PRKD3: variants seen among roughly 807,000 people sequenced by gnomAD.
PRKD3 encodes the protein serine/threonine-protein kinase D3.
Under a neutral mutation model 99.2 loss-of-function variants are expected in PRKD3, and 47 were observed. That is an observed-to-expected ratio of 0.47 (90% confidence interval 0.38 to 0.60). PRKD3 has a LOEUF of 0.60. Among genes scored for constraint, PRKD3 ranks in the 20% least tolerant of loss-of-function variants. The pLI, the probability that PRKD3 is intolerant of heterozygous loss-of-function variation, is 0.00. For missense variants in PRKD3, 1,019 were observed against 1,088.4 expected (o/e 0.94, Z 0.90); for synonymous variants, 392 against 355.4 (o/e 1.10, Z -1.16).
intron 9 of PRKD3, 29 bp from the exon 10 acceptor site, chr2:37,275,873 G>C (rs771898877): frequency 1.3e-6 from 2 of 1,588,436 alleles, no homozygotes; most frequent in African/African-American, 2.7e-5. Context: ...AAAACTGTGA[G>C]GTTCAAAAAT....
rs116417264 is a variant in PRKD3 at position 37,263,843 on chromosome 2, T to C, written c.1885-3459A>G. The stretch of plus-strand genomic sequence containing the variant: ...TTATAGTTTTGAATTCTCATCTTTT[T>C]TTTAAAGTATGCTCACTTCTGTTAA... On this transcript the variant is annotated intron_variant, in intron 14 of 18. Coordinates refer to ENST00000234179, the MANE Select transcript of PRKD3 (RefSeq NM_005813.6). Among the ~76,000 whole-genome samples, 682 of 152,334 alleles carry C rather than the reference T, an allele frequency of 4.5e-3. 5 individuals are homozygous for C. The highest frequency in any genetic ancestry group is 0.016 in the African/African-American group (653 of 41,576).
intron 2 of PRKD3, among the ~76,000 whole-genome samples, chr2:37,309,725 A>C (rs776382445): frequency 6.6e-6 from 1 of 151,816 alleles, no homozygotes; most frequent in African/African-American, 2.4e-5. Flanking sequence ...GTGCGTGCCT[A>C]TAATCCCAGC....
chr2:37,292,653 T>C (rs375740643), intron 3 of PRKD3, among the ~76,000 whole-genome samples: 5 of 151,812 alleles, frequency 3.3e-5, no homozygotes, highest in African/African-American at 1.2e-4. Context: ...GCCTTTCTTT[T>C]GCTTTTTTAA....
At chr2:37,316,191 C>T in intron 2 of PRKD3, 46 bp downstream of exon 2, 1 of 1,501,544 alleles carries the variant, frequency 6.7e-7, no homozygotes, top group Non-Finnish European at 9.1e-7. Flanking sequence ...TATAGAAAAA[C>T]ATCAGTAACA....
chr2:37,310,327 T>C (rs927062730), intron 2 of PRKD3, among the ~76,000 whole-genome samples: 2 of 152,224 alleles, frequency 1.3e-5, no homozygotes, highest in Non-Finnish European at 2.9e-5. Flanking sequence ...GTGTGATTAC[T>C]ATTTGCTAAG....
chr2:37,293,048 A>T, intron 3 of PRKD3, 85 bp downstream of exon 3: 4 of 1,310,952 alleles, frequency 3.1e-6, no homozygotes, highest in Non-Finnish European at 4.2e-6. Flanking sequence ...ACAAAGACTA[A>T]ATATAATCGA....
At chr2:37,324,194 T>C (rs980393469) in intron 1 of PRKD3, 10 of 985,420 alleles carry the variant, frequency 1.0e-5, no homozygotes, top group Non-Finnish European at 1.2e-5. Flanking sequence ...CACCATTTAC[T>C]CACCCCTTTG....
intron 6 of PRKD3, among the ~76,000 whole-genome samples, chr2:37,284,210 A>AT (rs1018963671): frequency 6.6e-6 from 1 of 152,168 alleles, no homozygotes; most frequent in Non-Finnish European, 1.5e-5. Flanking sequence ...AAATATTTTT[A>AT]TTTTTTAAGT....
rs151320948 is a variant in PRKD3, at chr2:37,293,909, C to T, written c.289-638G>A. 3.3e-5 allele frequency among the ~76,000 whole-genome samples: 5 copies of T among 152,224 alleles called. No homozygotes were observed. The East Asian group carries it at 9.6e-4, about 29-fold the overall frequency. On this transcript the variant is annotated intron_variant, in intron 2 of 18. Transcript: ENST00000234179. ...TTTTATAACATGAACAATTTGCTCA[C>T]GTAAGTTAACATGTTTTCCTGTTTG...
intron 1 of PRKD3, among the ~76,000 whole-genome samples, chr2:37,321,834 T>A (rs6727087): frequency 0.044 from 6,675 of 152,186 alleles, 160 homozygotes; most frequent in African/African-American, 0.051. Flanking sequence ...GAGTCAACGA[T>A]GCAAAGAGAC....
intron 1 of PRKD3, among the ~76,000 whole-genome samples, chr2:37,320,025 G>A (rs2124909204): frequency 6.6e-6 from 1 of 152,308 alleles, no homozygotes; most frequent in Non-Finnish European, 1.5e-5. Flanking sequence ...GTAAGTTTTA[G>A]CAATTTTCAC....
At position 37,286,341 on chromosome 2, in the gene PRKD3, C is replaced by T; in HGVS notation, c.746G>A (p.Arg249Lys). Residue 249 changes from arginine to lysine, a missense_variant, in exon 6 of 19, where the codon AGA (arginine) becomes AAA (lysine). By Grantham distance (26) the Arg-to-Lys change is conservative. This residue lies in a region of PRKD3 where 710 missense variants were observed against 692.7 expected (regional missense o/e 1.02). Coordinates refer to ENST00000234179, the MANE Select transcript of PRKD3 (RefSeq NM_005813.6). ...ESHVHQEPSK[R>K]IPSWSGRPIW... ...TGGGCGACCACTCCAAGAAGGAATT[C>T]TCTTACTTGGTTCCTGGTGGACATG... is the stretch of plus-strand genomic sequence containing the variant. 6.2e-7 allele frequency: 1 copy of T among 1,613,970 alleles called. No individual in the cohort carries two copies.
intron 2 of PRKD3, among the ~76,000 whole-genome samples, chr2:37,308,353 A>C (rs747584003): frequency 2.0e-4 from 31 of 152,186 alleles, no homozygotes; most frequent in Non-Finnish European, 2.8e-4. Flanking sequence ...GAGGTTTGAT[A>C]GTCAATTCCA....
chr2:37,288,676 C>G (rs1355305956), intron 5 of PRKD3, among the ~76,000 whole-genome samples: 2 of 152,140 alleles, frequency 1.3e-5, no homozygotes, highest in African/African-American at 2.4e-5. Context: ...ATAATGAGAT[C>G]TGGGTTTAAT....
chr2:37,257,666 CAAAAGAAAAAAAAAAAA>C (rs1668080556), intron 16 of PRKD3, among the ~76,000 whole-genome samples: 1 of 62,436 alleles, frequency 1.6e-5, no homozygotes, highest in African/African-American at 3.9e-5. Context: ...GACTCTGTCT[CAAAAGAAAAAAAAAAAA>C]AAAAAAAAAA....
intron 17 of PRKD3, among the ~76,000 whole-genome samples, chr2:37,255,972 C>T (rs1304668515): frequency 6.6e-6 from 1 of 152,056 alleles, no homozygotes; most frequent in Admixed American, 6.6e-5. Flanking sequence ...TGTGTTTGTG[C>T]ACACTTCAGC....
chr2:37,293,302 CCA>C (rs1344567263), intron 2 of PRKD3, 31 bp from the exon 3 acceptor site: 3 of 1,490,462 alleles, frequency 2.0e-6, no homozygotes, highest in African/African-American at 2.8e-5. Flanking sequence ...ATCAGTATGA[CCA>C]CAGTTTTCTA....
intron 1 of PRKD3, among the ~76,000 whole-genome samples, chr2:37,322,094 G>A (rs1449849468): frequency 6.6e-6 from 1 of 152,088 alleles, no homozygotes; most frequent in African/African-American, 2.4e-5. Flanking sequence ...TTGTGTCCAC[G>A]CCTCTTGACA....
chr2:37,290,960 G>A lies in PRKD3; in HGVS notation c.467C>T (p.Thr156Ile). The A allele has an allele frequency of 6.2e-7, 1 of 1,607,458 alleles. No homozygotes were observed. Among genetic ancestry groups the A allele is most frequent in the Non-Finnish European group, 8.5e-7 (1 of 1,174,462 alleles). ...TVEDFQIRPHTLYVHSYKAPT... is the reference protein window; with the variant it reads ...TVEDFQIRPHILYVHSYKAPT... Reference sequence around the variant, plus strand: ...AGCTTTGTAAGAATGTACATAGAGAGTATGTGGACGAATCTGGAAGTCTTC... The same window carrying A: ...AGCTTTGTAAGAATGTACATAGAGAATATGTGGACGAATCTGGAAGTCTTC... Residue 156 changes from threonine to isoleucine, a missense_variant, in exon 4 of 19, where the codon ACT (threonine) becomes ATT (isoleucine). Thr to Ile is a moderately conservative substitution (Grantham distance 89). Transcript: ENST00000234179.
Sources: gnomAD v4.1 joint callset for allele counts (sites outside exome capture counted in the v4.1 genomes callset) on GRCh38, gnomAD v4.1.1 for gene constraint, gnomAD v4.1.1 regional missense constraint, MANE v1.5 for transcripts, NCBI Gene and HGNC (gene_info 2026-07-23, HGNC 2026-07-21) for gene names.